LAMA2: variants seen among roughly 807,000 people sequenced by gnomAD.
The protein encoded by LAMA2 is laminin subunit alpha-2.
LAMA2 carries 269 observed loss-of-function variants against 364.8 expected under a neutral mutation model. That is an observed-to-expected ratio of 0.74 (90% CI 0.67 to 0.82). LAMA2 has a LOEUF of 0.82. Among genes scored for constraint, LAMA2 ranks in the 40% least tolerant of loss-of-function variants. The pLI is 0.00. For missense variants in LAMA2, 3,807 were observed against 3,873.2 expected, an observed-to-expected ratio of 0.98 and a Z score of 0.45; for synonymous variants, 1,379 against 1,370.6, an observed-to-expected ratio of 1.01 and a Z score of -0.14.
At chr6:129,174,690 A>G (rs7741948) in intron 9 of LAMA2, among the ~76,000 whole-genome samples, 15 of 152,000 alleles carry the variant, frequency 9.9e-5, no homozygotes, top group African/African-American at 3.6e-4. Context: ...TTGCCAGTCA[A>G]CTCCAGGAAA....
chr6:129,465,378 T>C (rs1468747679), intron 51 of LAMA2, 89 bp downstream of exon 51: 2 of 1,127,584 alleles, frequency 1.8e-6, no homozygotes, highest in Admixed American at 3.4e-5. Flanking sequence ...GCTCCGTCTA[T>C]AATTTTAGCT....
At chr6:129,233,028 A>G (rs1182422702) in intron 12 of LAMA2, among the ~76,000 whole-genome samples, 1 of 152,154 alleles carries the variant, frequency 6.6e-6, no homozygotes, top group Admixed American at 6.6e-5. Context: ...ACCACAAGAA[A>G]TGAATTCTGC....
At chr6:129,224,488 T>C (rs1784106296) in intron 12 of LAMA2, among the ~76,000 whole-genome samples, 2 of 152,184 alleles carry the variant, frequency 1.3e-5, no homozygotes, top group African/African-American at 4.8e-5. Context: ...GGGTTTGTCA[T>C]AGATAGCTCT....
chr6:128,942,286 T>G (rs1780207260), intron 1 of LAMA2, among the ~76,000 whole-genome samples: 1 of 152,178 alleles, frequency 6.6e-6, no homozygotes, highest in Non-Finnish European at 1.5e-5. Context: ...AAATGGAGGT[T>G]TTTTACTCAA....
intron 4 of LAMA2, among the ~76,000 whole-genome samples, chr6:129,139,663 A>G (rs991970158): frequency 1.3e-5 from 2 of 152,072 alleles, no homozygotes; most frequent in African/African-American, 4.8e-5. Context: ...AGTCAAAATA[A>G]AAGAGATTAG....
rs140102646 is a variant in LAMA2, at chr6:128,963,660, T to C, written c.112+80303T>C. The stretch of plus-strand genomic sequence containing the variant: ...TTTAAATTATTAGCAAAAGCAGCTC[T>C]GTTATCCCAGCTTCTAAGCTAACCA... On this transcript the variant is annotated intron_variant, in intron 1 of 64. Coordinates refer to ENST00000421865, the MANE Select transcript of LAMA2 (RefSeq NM_000426.4). Among the ~76,000 whole-genome samples, 5 of 152,270 alleles carry C rather than the reference T, an allele frequency of 3.3e-5. No individual in the cohort carries two copies. The East Asian group carries it at 9.7e-4, about 29-fold the overall frequency.
At chr6:129,087,940 C>A (rs1774484088) in intron 3 of LAMA2, among the ~76,000 whole-genome samples, 1 of 148,010 alleles carries the variant, frequency 6.8e-6, no homozygotes, top group Admixed American at 6.8e-5. Flanking sequence ...GTGTTTCTCA[C>A]AGAGGGGGAT....
At chr6:129,422,386 T>A (rs1781120546) in intron 40 of LAMA2, among the ~76,000 whole-genome samples, 1 of 152,062 alleles carries the variant, frequency 6.6e-6, no homozygotes, top group Non-Finnish European at 1.5e-5. Context: ...GTACATAGCC[T>A]TCAGTCAGGG....
intron 32 of LAMA2, among the ~76,000 whole-genome samples, chr6:129,359,976 T>C (rs1227896329): frequency 6.6e-6 from 1 of 152,176 alleles, no homozygotes; most frequent in Admixed American, 6.6e-5. Context: ...AATTTAGTAC[T>C]GTGTTTGTTA....
intron 60 of LAMA2, among the ~76,000 whole-genome samples, chr6:129,503,920 G>T (rs904256844): frequency 1.3e-5 from 2 of 152,142 alleles, no homozygotes; most frequent in Non-Finnish European, 2.9e-5. Context: ...GGCACAGAAG[G>T]CTCATTTGCC....
Position 129,427,853 on chromosome 6 carries a change from A to G in LAMA2, c.5967A>G (p.Lys1989=). Residue 1989 remains lysine (K), a splice_region_variant and synonymous_variant, in exon 41 of 65, where the codon AAA becomes AAG. Transcript: ENST00000421865. ...NEAKKLANDV[K]ENEDHLNGLK... is the part of the protein sequence containing the mutation. ...CCAAGAAGTTAGCAAATGATGTAAA[A>G]GGTCAGTGTGGCCATAGTTTTTATT... is the stretch of plus-strand genomic sequence containing the variant. 6.3e-7 allele frequency: 1 copy of G among 1,594,864 alleles called. No homozygotes were observed. The highest frequency in any genetic ancestry group is 8.6e-7 in the Non-Finnish European group (1 of 1,162,600).
At chr6:129,260,389 G>C (rs1199018576) in intron 14 of LAMA2, among the ~76,000 whole-genome samples, 2 of 151,930 alleles carry the variant, frequency 1.3e-5, no homozygotes, top group Admixed American at 1.3e-4. Flanking sequence ...TTTTTTAAAA[G>C]ACCCTTTAAC....
chr6:129,056,012 A>G lies in LAMA2; in HGVS notation c.284-3772A>G, dbSNP rs17056776. Among the ~76,000 whole-genome samples the G allele has an allele frequency of 7.1e-3, 1,085 of 152,278 alleles. 20 individuals are homozygous for G. Among genetic ancestry groups the G allele is most frequent in the African/African-American group, 0.025 (1,038 of 41,550 alleles). On this transcript the variant is annotated intron_variant, in intron 2 of 64. Coordinates refer to ENST00000421865, the MANE Select transcript of LAMA2 (RefSeq NM_000426.4). ...CCTCCTTTTTGTGACTAATTCTCTT[A>G]TCAGTTTGACCTGAGGTGGCAGATA...
At chr6:129,321,350 A>G (rs1197687168) in intron 28 of LAMA2, among the ~76,000 whole-genome samples, 3 of 152,200 alleles carry the variant, frequency 2.0e-5, no homozygotes, top group African/African-American at 7.2e-5. Context: ...TTCACCATAC[A>G]GTAAGCCTGA....
At chr6:128,971,811 C>T (rs1246234193) in intron 1 of LAMA2, among the ~76,000 whole-genome samples, 1 of 152,128 alleles carries the variant, frequency 6.6e-6, no homozygotes, top group Non-Finnish European at 1.5e-5. Flanking sequence ...CAGGATTTTA[C>T]CCCTCATATC....
At chr6:129,314,094 A>G (rs1219111840) in intron 23 of LAMA2, among the ~76,000 whole-genome samples, 1 of 152,212 alleles carries the variant, frequency 6.6e-6, no homozygotes, top group Non-Finnish European at 1.5e-5. Flanking sequence ...AAAATGTACC[A>G]CTTACATTTA....
intron 14 of LAMA2, among the ~76,000 whole-genome samples, chr6:129,255,539 G>A (rs1307137592): frequency 1.3e-5 from 2 of 150,458 alleles, no homozygotes; most frequent in Admixed American, 6.6e-5. Context: ...TTAAGCCATT[G>A]AGATTTTGGA....
At chr6:129,420,227 CA>C (rs1185412464) in intron 40 of LAMA2, among the ~76,000 whole-genome samples, 1 of 151,932 alleles carries the variant, frequency 6.6e-6, no homozygotes, top group Non-Finnish European at 1.5e-5. Flanking sequence ...AAAATATTCT[CA>C]AAAATATATT....
At chr6:129,025,269 T>G (rs1024095232) in intron 1 of LAMA2, among the ~76,000 whole-genome samples, 39 of 152,224 alleles carry the variant, frequency 2.6e-4, no homozygotes, top group African/African-American at 9.2e-4. Flanking sequence ...TTTTTTTTTC[T>G]CACTTGAGTC....
Sources: gnomAD v4.1 joint callset for allele counts (sites outside exome capture counted in the v4.1 genomes callset) on GRCh38, gnomAD v4.1.1 for gene constraint, MANE v1.5 for transcripts, NCBI Gene and HGNC (gene_info 2026-07-23, HGNC 2026-07-21) for gene names.